Variants in RGS9 observed in about 807,000 individuals in gnomAD.
The protein encoded by RGS9 is regulator of G-protein signalling 9.
Under a neutral mutation model 102.0 loss-of-function variants are expected in RGS9, and 78 were observed. The observed-to-expected ratio is 0.76, with a 90% CI of 0.64 to 0.92. The LOEUF is 0.92. Among genes scored for constraint, RGS9 ranks in the 40% least tolerant of loss-of-function variants. The pLI is 0.00. For missense variants in RGS9, 833 were observed against 866.1 expected (o/e 0.96, Z 0.48); for synonymous variants, 353 against 318.6 (o/e 1.11, Z -1.15).
At chr17:65,146,788 GC>G (rs1910380061) in intron 1 of RGS9, among the ~76,000 whole-genome samples, 1 of 152,114 alleles carries the variant, frequency 6.6e-6, no homozygotes, top group Non-Finnish European at 1.5e-5. Flanking sequence ...TTCTCAGGAG[GC>G]TGAGGCACAA....
At chr17:65,160,714 C>T in intron 5 of RGS9, 127 bp downstream of exon 5, 1 of 1,381,454 alleles carries the variant, frequency 7.2e-7, no homozygotes, top group Non-Finnish European at 1.0e-6. Context: ...CTGTACTGGG[C>T]ATGTCCCCAG....
At position 65,197,215 on chromosome 17, in the gene RGS9, A is replaced by G. The variant is rs1912630392; in HGVS notation, c.950A>G (p.Gln317Arg). 2 of 1,613,148 alleles carry G rather than the reference A, an allele frequency of 1.2e-6. No individual in the cohort carries two copies. Among genetic ancestry groups the G allele is most frequent in the East Asian group, 4.5e-5 (2 of 44,882 alleles). The part of the protein sequence containing the change: ...IRDPKGRQSF[Q>R]YFLKKEFSGE... ...GACCCCAAAGGTCGACAGAGCTTCC[A>G]GTACTTCCTCAAGAAAGAATTCAGT... Residue 317 changes from glutamine (Q) to arginine (R), a missense_variant, in exon 13 of 19, where the codon CAG (glutamine) becomes CGG (arginine). Gln to Arg is a conservative substitution (Grantham distance 43). Coordinates refer to ENST00000262406, the MANE Select transcript of RGS9 (RefSeq NM_003835.4).
intron 17 of RGS9, among the ~76,000 whole-genome samples, chr17:65,214,619 G>A (rs913283421): frequency 6.6e-6 from 1 of 152,228 alleles, no homozygotes; most frequent in African/African-American, 2.4e-5. Flanking sequence ...CCCAGGCACG[G>A]CTACTGCTGG....
intron 16 of RGS9, among the ~76,000 whole-genome samples, chr17:65,209,221 TG>T (rs1301110933): frequency 6.6e-6 from 1 of 152,218 alleles, no homozygotes; most frequent in African/African-American, 2.4e-5. Context: ...GTGTGAATTT[TG>T]TTCCATGATC....
At chr17:65,200,408 G>A (rs566175951) in intron 13 of RGS9, among the ~76,000 whole-genome samples, 8 of 152,208 alleles carry the variant, frequency 5.3e-5, no homozygotes, top group African/African-American at 9.6e-5. Flanking sequence ...TTCTTTTATC[G>A]ATGGACATCT....
intron 17 of RGS9, among the ~76,000 whole-genome samples, chr17:65,215,474 C>CTCTT (rs1913461523): frequency 2.6e-4 from 36 of 137,114 alleles, no homozygotes; most frequent in South Asian, 4.4e-4. Flanking sequence ...TTCTTTCTTT[C>CTCTT]TCTATCTTTC....
chr17:65,154,419 A>G (rs964028862), intron 2 of RGS9, among the ~76,000 whole-genome samples: 1 of 152,126 alleles, frequency 6.6e-6, no homozygotes, highest in Non-Finnish European at 1.5e-5. Flanking sequence ...TCAACAGGTC[A>G]TTTCTTGAAG....
chr17:65,157,085 G>A (rs1045950725), intron 2 of RGS9, among the ~76,000 whole-genome samples: 1 of 151,544 alleles, frequency 6.6e-6, no homozygotes, highest in African/African-American at 2.4e-5. Flanking sequence ...TCCCTGCACC[G>A]CCTCCGAGGA....
chr17:65,141,251 C>T (rs1232283879), intron 1 of RGS9, among the ~76,000 whole-genome samples: 1 of 152,180 alleles, frequency 6.6e-6, no homozygotes, highest in African/African-American at 2.4e-5. Context: ...GACAGATGAA[C>T]ACAGGTGGGT....
intron 11 of RGS9, among the ~76,000 whole-genome samples, chr17:65,193,092 C>T (rs1912437509): frequency 6.8e-6 from 1 of 146,952 alleles, no homozygotes; most frequent in African/African-American, 2.6e-5. Context: ...AAAACCCTAT[C>T]TCTACCAAAA....
chr17:65,211,041 G>C (rs1046248210), intron 17 of RGS9, among the ~76,000 whole-genome samples: 1 of 152,172 alleles, frequency 6.6e-6, no homozygotes, highest in Non-Finnish European at 1.5e-5. Context: ...CACTGAGAGA[G>C]AGCTTTGTCT....
At chr17:65,223,215 T>A (rs1353783249) in intron 17 of RGS9, among the ~76,000 whole-genome samples, 1 of 152,174 alleles carries the variant, frequency 6.6e-6, no homozygotes, top group African/African-American at 2.4e-5. Context: ...GGGCCTCACA[T>A]TTGCTGTGTT....
At chr17:65,144,977 C>T (rs557362400) in intron 1 of RGS9, among the ~76,000 whole-genome samples, 23 of 152,316 alleles carry the variant, frequency 1.5e-4, no homozygotes, top group African/African-American at 5.3e-4. Context: ...CGTCTTCTCT[C>T]TGTTCTCACA....
intron 13 of RGS9, among the ~76,000 whole-genome samples, chr17:65,201,447 C>A (rs927221749): frequency 1.3e-5 from 2 of 152,168 alleles, no homozygotes; most frequent in Non-Finnish European, 2.9e-5. Context: ...GATGGGTTCT[C>A]TAAGCACAGC....
chr17:65,213,967 T>G (rs1220046778), intron 17 of RGS9, among the ~76,000 whole-genome samples: 2 of 152,196 alleles, frequency 1.3e-5, no homozygotes, highest in African/African-American at 4.8e-5. Flanking sequence ...ATGTATTTAT[T>G]TATTTTTTGT....
chr17:65,169,938 C>T lies in RGS9; in HGVS notation c.582+1657C>T, dbSNP rs765633670. Reference sequence around the variant, plus strand: ...ATTTCCCCCACTTTCTCCACCACCTCCACCACCCTTATTGTCTTCATCACT... The same window carrying T: ...ATTTCCCCCACTTTCTCCACCACCTTCACCACCCTTATTGTCTTCATCACT... On this transcript the variant is annotated intron_variant, in intron 8 of 18. Coordinates refer to ENST00000262406, the MANE Select transcript of RGS9 (RefSeq NM_003835.4). Among the ~76,000 whole-genome samples the T allele has an allele frequency of 6.0e-4, 91 of 152,096 alleles. 2 individuals are homozygous for T. Among genetic ancestry groups the T allele is most frequent in the Non-Finnish European group, 2.2e-4 (15 of 68,006 alleles).
chr17:65,167,721 T>C (rs1383804031), intron 7 of RGS9, among the ~76,000 whole-genome samples: 1 of 152,178 alleles, frequency 6.6e-6, no homozygotes, highest in Non-Finnish European at 1.5e-5. Context: ...GGAGGTCAAA[T>C]GTCGACCCGG....
At position 65,158,752 on chromosome 17, in the gene RGS9, G is replaced by C. The variant is rs113718179; in HGVS notation, c.205+407G>C. The C allele has an allele frequency of 2.4e-3, 824 of 337,992 alleles. 3 individuals carry two copies. Among genetic ancestry groups the C allele is most frequent in the Admixed American group, 2.8e-3 (69 of 24,662 alleles). The allele number at this position is 337,992 out of a possible 1,614,324, so 20.9% of individuals were successfully genotyped here. ...GTGGAGGAGTGACAAGGGAGATTGA[G>C]AGTCATGGCTCCAGATGGCTATGGA... On this transcript the variant is annotated intron_variant, in intron 3 of 18. Transcript: ENST00000262406.
intron 1 of RGS9, among the ~76,000 whole-genome samples, chr17:65,140,865 T>A (rs1300942406): frequency 6.9e-6 from 1 of 145,400 alleles, no homozygotes; most frequent in African/African-American, 2.5e-5. Context: ...CTAGCCTGTG[T>A]GACAGAGAGA....
Sources: allele counts gnomAD v4.1 joint callset (sites outside exome capture counted in the v4.1 genomes callset), GRCh38; gene constraint gnomAD v4.1.1; transcripts MANE v1.5; gene names NCBI Gene and HGNC (gene_info 2026-07-23, HGNC 2026-07-21).